SAXO1: variants seen among roughly 807,000 people sequenced by gnomAD.
SAXO1 encodes the protein stabilizer of axonemal microtubules 1.
Under a neutral mutation model 17.5 loss-of-function variants are expected in SAXO1, and 21 were observed. That is an observed-to-expected ratio of 1.20 (90% CI 0.85 to 1.72). SAXO1 has a LOEUF of 1.72. Among genes scored for constraint, SAXO1 ranks in the 40% most tolerant of loss-of-function variants. The probability of loss-of-function intolerance (pLI) is 0.00; values close to 1 mark genes in which losing one functional copy is unlikely to be tolerated. For missense variants in SAXO1, 843 were observed against 596.0 expected, an observed-to-expected ratio of 1.41 and a Z score of -4.32; for synonymous variants, 274 against 216.5, an observed-to-expected ratio of 1.27 and a Z score of -2.33.
At chr9:18,988,549 T>C (rs1294729115) in intron 1 of SAXO1, among the ~76,000 whole-genome samples, 50 of 152,248 alleles carry the variant, frequency 3.3e-4, no homozygotes, top group African/African-American at 2.4e-5. Context: ...TACAGTTTAT[T>C]AAGTTCTTTC....
chr9:18,946,547 A>T (rs1052294763), intron 2 of SAXO1, among the ~76,000 whole-genome samples: 2 of 152,038 alleles, frequency 1.3e-5, no homozygotes, highest in African/African-American at 4.8e-5. Flanking sequence ...AGATAAAAAC[A>T]CTTTTTAGAG....
chr9:18,970,981 C>A (rs1001557042), intron 1 of SAXO1, among the ~76,000 whole-genome samples: 5 of 152,142 alleles, frequency 3.3e-5, no homozygotes, highest in African/African-American at 1.2e-4. Flanking sequence ...CTTCTCTAAA[C>A]GTGGCCCTGT....
chr9:19,000,089 CG>C (rs1264341450), intron 1 of SAXO1, among the ~76,000 whole-genome samples: 1 of 147,220 alleles, frequency 6.8e-6, no homozygotes, highest in Non-Finnish European at 1.5e-5. Context: ...TCTACCCAGC[CG>C]CCCCACCATC....
chr9:18,999,365 C>T (rs1276051100), intron 1 of SAXO1, among the ~76,000 whole-genome samples: 1 of 152,198 alleles, frequency 6.6e-6, no homozygotes, highest in Admixed American at 6.5e-5. Flanking sequence ...GTGCCTCTGC[C>T]TGGCTGCCCC....
At chr9:18,939,071 A>G (rs1661219482) in intron 3 of SAXO1, among the ~76,000 whole-genome samples, 1 of 152,020 alleles carries the variant, frequency 6.6e-6, no homozygotes, top group Non-Finnish European at 1.5e-5. Context: ...CTATACTAAG[A>G]TTCATAAACC....
intron 1 of SAXO1, among the ~76,000 whole-genome samples, chr9:18,982,857 TAC>T (rs1221174804): frequency 6.6e-6 from 1 of 152,216 alleles, no homozygotes; most frequent in East Asian, 1.9e-4. Context: ...AACTAAAAGC[TAC>T]AGTCTTAGAC....
At chr9:18,950,724 T>G (rs778976513) in intron 2 of SAXO1, 34 bp downstream of exon 2, 1 of 1,575,456 alleles carries the variant, frequency 6.3e-7, no homozygotes, top group Admixed American at 1.7e-5. Flanking sequence ...TAGTGTTGTA[T>G]GTACCTGCAT....
Position 19,033,010 on chromosome 9 carries a change from T to C in SAXO1, c.-102A>G, listed in dbSNP as rs774900355. 1.7e-6 allele frequency: 2 copies of C among 1,200,206 alleles called. No individual in the cohort carries two copies. The highest frequency in any genetic ancestry group is 3.1e-5 in the African/African-American group (2 of 64,230). The allele number at this position is 1,200,206 out of a possible 1,614,324, so 74.3% of individuals were successfully genotyped here. On this transcript the variant is annotated 5_prime_UTR_variant, in exon 1 of 4. Coordinates refer to ENST00000380534, the MANE Select transcript of SAXO1 (RefSeq NM_153707.4). ...CTTGGGGCACGCCCAGGCTCGAGGG[T>C]CTTGGCAGGTGTTCTGTTTACTCGA...
chr9:19,045,311 C>T (rs1836183551), intron 1 of SAXO1, among the ~76,000 whole-genome samples: 2 of 91,368 alleles, frequency 2.2e-5, no homozygotes, highest in Non-Finnish European at 4.0e-5. Flanking sequence ...AGCGAGACTC[C>T]GTCTCAAAAA....
At chr9:18,975,344 G>C (rs1563956123) in intron 1 of SAXO1, among the ~76,000 whole-genome samples, 1 of 152,190 alleles carries the variant, frequency 6.6e-6, no homozygotes, top group Non-Finnish European at 1.5e-5. Context: ...TTCAGACCTT[G>C]CCCTCTTAGG....
At chr9:19,001,444 G>A (rs543266949) in intron 1 of SAXO1, among the ~76,000 whole-genome samples, 1 of 152,106 alleles carries the variant, frequency 6.6e-6, no homozygotes, top group Non-Finnish European at 1.5e-5. Context: ...GAAGCAGGTG[G>A]ATCATGAGGT....
intron 1 of SAXO1, among the ~76,000 whole-genome samples, chr9:18,979,055 A>C (rs1240564979): frequency 6.6e-6 from 1 of 152,228 alleles, no homozygotes; most frequent in African/African-American, 2.4e-5. Context: ...AAAGGTAAGG[A>C]AACTTAGATT....
Position 18,928,377 on chromosome 9 carries a change from G to T in SAXO1, c.1100C>A (p.Pro367His). 1 of 1,612,512 alleles carries T rather than the reference G, an allele frequency of 6.2e-7. No homozygotes were observed. Reference protein sequence around the residue: ...PVPQLDLPTEPLDCLTTTRAH... With the variant: ...PVPQLDLPTEHLDCLTTTRAH... ...CCGAGTGGTGGTCAGGCAGTCCAGG[G>T]GCTCGGTGGGCAAGTCCAGCTGGGG... The change falls in exon 4 of 4, where the codon CCC becomes CAC. Residue 367 changes from proline (P) to histidine (H), a missense_variant. Transcript: ENST00000380534.
At position 18,976,470 on chromosome 9, in the gene SAXO1, C is replaced by T. The variant is rs376499190; in HGVS notation, c.39-25533G>A. On this transcript the variant is annotated intron_variant, in intron 1 of 3. Transcript: ENST00000380534. Reference sequence around the variant, plus strand: ...AAACTTGGTAATATGATTGAGAAAACTAAAAACACATTTTAAGTGAAGTCC... The same window carrying T: ...AAACTTGGTAATATGATTGAGAAAATTAAAAACACATTTTAAGTGAAGTCC... Among the ~76,000 whole-genome samples, 114 of 152,312 alleles carry T rather than the reference C, an allele frequency of 7.5e-4. 1 individual carries two copies. The South Asian group carries it at 0.022, about 29-fold the overall frequency.
intron 1 of SAXO1, among the ~76,000 whole-genome samples, chr9:18,987,534 C>T (rs1411085734): frequency 6.6e-6 from 1 of 152,170 alleles, no homozygotes; most frequent in Non-Finnish European, 1.5e-5. Context: ...ACCCGCTCAG[C>T]CTCCTGTGAC....
chr9:19,026,996 G>A (rs772412399), intron 1 of SAXO1: 68 of 894,984 alleles, frequency 7.6e-5, no homozygotes, highest in Admixed American at 5.0e-4. Flanking sequence ...TGGACAGTGA[G>A]ATCAAGATCA....
intron 1 of SAXO1, among the ~76,000 whole-genome samples, chr9:19,020,725 CA>C (rs1835194559): frequency 6.6e-6 from 1 of 152,172 alleles, no homozygotes; most frequent in Non-Finnish European, 1.5e-5. Flanking sequence ...TTTGTGTTCT[CA>C]GCACACTTGA....
chr9:18,932,855 C>T (rs1475149832), intron 3 of SAXO1, among the ~76,000 whole-genome samples: 1 of 152,154 alleles, frequency 6.6e-6, no homozygotes, highest in African/African-American at 2.4e-5. Flanking sequence ...ACAGAAACAA[C>T]TGATTTTTAT....
intron 1 of SAXO1, among the ~76,000 whole-genome samples, chr9:19,024,070 T>C (rs1268028142): frequency 1.4e-5 from 2 of 146,980 alleles, no homozygotes; most frequent in African/African-American, 2.5e-5. Context: ...TTATCTATGT[T>C]ACTCTCCAGC....
Sources: allele counts gnomAD v4.1 joint callset (sites outside exome capture counted in the v4.1 genomes callset), GRCh38; gene constraint gnomAD v4.1.1; transcripts MANE v1.5; gene names NCBI Gene and HGNC (gene_info 2026-07-23, HGNC 2026-07-21).